Variants in LEMD2 observed in about 807,000 individuals in gnomAD.
LEMD2 encodes the protein LEM domain nuclear envelope protein 2.
LEMD2 carries 34 observed loss-of-function variants against 58.8 expected under a neutral mutation model. The observed-to-expected ratio is 0.58, with a 90% CI of 0.44 to 0.77. LEMD2 has a LOEUF of 0.77. Among genes scored for constraint, LEMD2 ranks in the 30% least tolerant of loss-of-function variants. The probability of loss-of-function intolerance (pLI) is 0.00; values close to 1 mark genes in which losing one functional copy is unlikely to be tolerated. For missense variants in LEMD2, 629 were observed against 717.9 expected (o/e 0.88, Z 1.42); for synonymous variants, 298 against 308.9 (o/e 0.96, Z 0.37).
intron 8 of LEMD2, chr6:33,776,615 C>G (rs1767435249): frequency 3.1e-6 from 1 of 323,422 alleles, no homozygotes; most frequent in African/African-American, 2.1e-5. Flanking sequence ...CTCTGAACTT[C>G]CACTTACAGA....
rs1310359466 is a variant in LEMD2 at position 33,789,012 on chromosome 6, C to CA, written c.104dup (p.Arg36AlafsTer71). ...GCCGGGCCTCGCCCCGCAGGCGGCG[C>CA]AGCTTGTTGCGGTAGACATCCCGGG... On this transcript the variant is annotated frameshift_variant, in exon 1 of 9. Coordinates refer to ENST00000293760, the MANE Select transcript of LEMD2 (RefSeq NM_181336.4). LOFTEE classifies it high-confidence loss of function. 6.4e-7 allele frequency: 1 copy of CA among 1,554,030 alleles called. No individual in the cohort carries two copies.
At chr6:33,779,197 A>G (rs1301276594) in intron 5 of LEMD2, 2 of 151,712 alleles carry the variant, frequency 1.3e-5, no homozygotes, top group East Asian at 3.9e-4. Flanking sequence ...GCTGCTGAGG[A>G]TAAAATCCGT....
At position 33,771,927 on chromosome 6, in the gene LEMD2, C is replaced by T. The variant is rs527334600; in HGVS notation, c.*701G>A. On this transcript the variant is annotated 3_prime_UTR_variant, in exon 9 of 9. Coordinates refer to ENST00000293760, the MANE Select transcript of LEMD2 (RefSeq NM_181336.4). The stretch of plus-strand genomic sequence containing the variant: ...GTCGCAGCTTCTGTGAGAAGCAACA[C>T]TGAGGCGGGCCCGCCCGCCCTGGGG... The T allele has an allele frequency of 6.6e-6, 1 of 151,694 alleles. No individual in the cohort carries two copies. Among genetic ancestry groups the T allele is most frequent in the Admixed American group, 6.6e-5 (1 of 15,254 alleles). 9.4% of individuals were successfully genotyped at this position (151,694 alleles called of 1,614,324 possible).
chr6:33,788,211 C>T (rs946090046), intron 1 of LEMD2, among the ~76,000 whole-genome samples, 170 bp downstream of exon 1: 8 of 152,244 alleles, frequency 5.3e-5, no homozygotes, highest in African/African-American at 1.7e-4. Flanking sequence ...GATGCAGGAG[C>T]CTTGGCCCTC....
At position 33,776,752 on chromosome 6, in the gene LEMD2, A is replaced by G. The variant is rs143500393; in HGVS notation, c.1361+202T>C. 9.3e-4 allele frequency: 565 copies of G among 605,418 alleles called. 1 individual carries two copies. The highest frequency in any genetic ancestry group is 6.7e-3 in the Middle Eastern group (15 of 2,242). 37.5% of individuals were successfully genotyped at this position (605,418 alleles called of 1,614,324 possible). A position where few individuals can be genotyped will look rare whatever the true frequency, so the allele number is the denominator to read the frequency against. ...TACAGAGGTGTGGGATTGTGCTTTC[A>G]TATGTCTTTTCTAGCTCATCCTGCC... is the stretch of plus-strand genomic sequence containing the variant. On this transcript the variant is annotated intron_variant, in intron 8 of 8. Transcript: ENST00000293760.
chr6:33,772,812 T>C, intron 8 of LEMD2, 34 bp from the exon 9 acceptor site: 2 of 1,595,678 alleles, frequency 1.3e-6, no homozygotes, highest in Non-Finnish European at 1.7e-6. Context: ...TGCCTGGCAC[T>C]GCCGAGGTGA....
At chr6:33,772,805 C>T (rs762804880) in intron 8 of LEMD2, 27 bp from the exon 9 acceptor site, 1 of 1,605,322 alleles carries the variant, frequency 6.2e-7, no homozygotes, top group Non-Finnish European at 8.5e-7. Context: ...GGGGCTCTGC[C>T]TGGCACTGCC....
chr6:33,777,288 G>T, intron 6 of LEMD2, 49 bp from the exon 7 acceptor site: 1 of 1,286,658 alleles, frequency 7.8e-7, no homozygotes, highest in Non-Finnish European at 1.1e-6. Flanking sequence ...ATTTGGCAGT[G>T]GGTCTCACCA....
intron 1 of LEMD2, among the ~76,000 whole-genome samples, chr6:33,787,664 C>G (rs543000881): frequency 6.6e-6 from 1 of 152,336 alleles, no homozygotes; most frequent in African/African-American, 2.4e-5. Flanking sequence ...CAATCCTCAG[C>G]TATTCCGGAT....
At chr6:33,785,603 T>C (rs1767660374) in intron 2 of LEMD2, among the ~76,000 whole-genome samples, 1 of 152,222 alleles carries the variant, frequency 6.6e-6, no homozygotes, top group African/African-American at 2.4e-5. Flanking sequence ...GGAACTTTTT[T>C]CTAATTAAAA....
At chr6:33,779,455 A>C (rs765874080) in intron 5 of LEMD2, 1 of 152,062 alleles carries the variant, frequency 6.6e-6, no homozygotes, top group Non-Finnish European at 1.5e-5. Context: ...AGAGACCCCC[A>C]CAAACACCGA....
chr6:33,786,650 A>G (rs1241699697), intron 2 of LEMD2, 84 bp downstream of exon 2: 56 of 1,041,928 alleles, frequency 5.4e-5, no homozygotes, highest in South Asian at 1.7e-4. Context: ...AAATGATCCT[A>G]TTCTTTTTCT....
intron 1 of LEMD2, among the ~76,000 whole-genome samples, chr6:33,788,127 G>A (rs927108178): frequency 1.3e-5 from 2 of 152,248 alleles, no homozygotes; most frequent in African/African-American, 2.4e-5. Context: ...GCTTGTGATT[G>A]AAAGGGAGAC....
intron 8 of LEMD2, among the ~76,000 whole-genome samples, chr6:33,773,535 G>A (rs887746968): frequency 1.3e-5 from 2 of 151,666 alleles, no homozygotes; most frequent in Non-Finnish European, 2.9e-5. Context: ...GTGACTGTGA[G>A]TGTGTACGCA....
At chr6:33,784,576 G>T in intron 2 of LEMD2, 149 bp from the exon 3 acceptor site, 1 of 620,088 alleles carries the variant, frequency 1.6e-6, no homozygotes, top group Admixed American at 2.5e-5. Context: ...TCTGCCAAGT[G>T]CTGGGCCTAG....
At chr6:33,773,114 AG>A (rs1767342690) in intron 8 of LEMD2, among the ~76,000 whole-genome samples, 1 of 152,188 alleles carries the variant, frequency 6.6e-6, no homozygotes, top group Admixed American at 6.5e-5. Context: ...TTGCCAAGCC[AG>A]TTCCAGTACC....
At chr6:33,773,164 T>C (rs1767343594) in intron 8 of LEMD2, among the ~76,000 whole-genome samples, 3 of 152,154 alleles carry the variant, frequency 2.0e-5, no homozygotes, top group African/African-American at 4.8e-5. Flanking sequence ...GGTGGGCTCA[T>C]TGAAGAGTGA....
chr6:33,788,797 A>G lies in LEMD2; in HGVS notation c.320T>C (p.Ile107Thr), dbSNP rs552190663. The G allele has an allele frequency of 2.0e-4, 293 of 1,452,514 alleles. 1 individual carries two copies. In the East Asian group the frequency reaches 7.6e-3, roughly 38 times the overall value. 90.0% of individuals were successfully genotyped at this position (1,452,514 alleles called of 1,614,324 possible). A position where few individuals can be genotyped will look rare whatever the true frequency, so the allele number is the denominator to read the frequency against. Residue 107 changes from isoleucine to threonine, a missense_variant, in exon 1 of 9, where the codon ATC becomes ACC. Ile to Thr is a moderately conservative substitution (Grantham distance 89). Coordinates refer to ENST00000293760, the MANE Select transcript of LEMD2 (RefSeq NM_181336.4). ...TACCCAGGAAGCCGCGGAGGGCCGGATATCACCGTAGGCCCCAGGGGTCGC... is the reference window on the plus strand; with the variant it reads ...TACCCAGGAAGCCGCGGAGGGCCGGGTATCACCGTAGGCCCCAGGGGTCGC... The part of the protein sequence containing the change: ...AYATPGAYGD[I>T]RPSAASWVGS...
chr6:33,774,080 C>T (rs554364786), intron 8 of LEMD2, among the ~76,000 whole-genome samples: 1 of 152,050 alleles, frequency 6.6e-6, no homozygotes, highest in Non-Finnish European at 1.5e-5. Flanking sequence ...GTCTCATGCT[C>T]TTATTTAAGC....
Sources: allele counts gnomAD v4.1 joint callset (sites outside exome capture counted in the v4.1 genomes callset), GRCh38; gene constraint gnomAD v4.1.1; transcripts MANE v1.5; gene names NCBI Gene and HGNC (gene_info 2026-07-23, HGNC 2026-07-21).